NUP210L: variants seen among roughly 807,000 people sequenced by gnomAD.
NUP210L encodes nuclear pore membrane glycoprotein 210-like.
Under a neutral mutation model 208.5 loss-of-function variants are expected in NUP210L, and 74 were observed. The observed-to-expected ratio is 0.35, with a 90% CI of 0.29 to 0.43. NUP210L has a LOEUF of 0.43. NUP210L is among the 20% of genes least tolerant of loss of function. The probability of loss-of-function intolerance (pLI) is 1.00; values close to 1 mark genes in which losing one functional copy is unlikely to be tolerated. For synonymous variants in NUP210L, 780 were observed against 816.9 expected (o/e 0.95, Z 0.77); for missense variants, 1,843 against 2,289.4 (o/e 0.81, Z 3.98).
intron 3 of NUP210L, among the ~76,000 whole-genome samples, chr1:154,142,903 A>C (rs1658925631): frequency 7.1e-6 from 1 of 141,410 alleles, no homozygotes; most frequent in South Asian, 2.3e-4. Context: ...AAAAAAAAGA[A>C]AGTGGCCAGG....
intron 37 of NUP210L, among the ~76,000 whole-genome samples, chr1:153,997,467 G>GTT (rs1328725231): frequency 0.039 from 4,885 of 126,324 alleles, 165 homozygotes; most frequent in African/African-American, 0.075. Flanking sequence ...TTTCTTTTCT[G>GTT]TTTTTTTTTT....
In NUP210L at chr1:154,081,688, A is replaced by G. The variant is rs371345260; in HGVS notation, c.2361+7733T>C. Among the ~76,000 whole-genome samples, 293 of 152,356 alleles carry G rather than the reference A, an allele frequency of 1.9e-3. 1 individual carries two copies. The highest frequency in any genetic ancestry group is 3.5e-3 in the Non-Finnish European group (235 of 68,026). On this transcript the variant is annotated intron_variant, in intron 16 of 39. Transcript: ENST00000368559. ...ATCATGTTTACATAATAATATCCCA[A>G]TAAAACGCTGGAGCTGGGCATGGTG...
At chr1:154,146,002 T>A (rs979192035) in intron 2 of NUP210L, among the ~76,000 whole-genome samples, 6 of 152,070 alleles carry the variant, frequency 3.9e-5, no homozygotes, top group Non-Finnish European at 8.8e-5. Flanking sequence ...GCGATCCTCC[T>A]ACCTCAGCCT....
chr1:154,053,079 T>A (rs1190792413), intron 25 of NUP210L, among the ~76,000 whole-genome samples: 3 of 152,206 alleles, frequency 2.0e-5, no homozygotes, highest in Non-Finnish European at 4.4e-5. Flanking sequence ...GATCCAAATT[T>A]GGGAAAGAAT....
chr1:154,037,002 A>G (rs1249721168), intron 27 of NUP210L, among the ~76,000 whole-genome samples: 1 of 152,016 alleles, frequency 6.6e-6, no homozygotes, highest in African/African-American at 2.4e-5. Context: ...AGCTCAAACA[A>G]TCTGCCCACC....
chr1:153,993,902 A>T (rs569331313), intron 38 of NUP210L, among the ~76,000 whole-genome samples: 34 of 151,588 alleles, frequency 2.2e-4, no homozygotes, highest in Admixed American at 7.9e-4. Flanking sequence ...TCTCAAAAAA[A>T]TTTTTTTTTA....
chr1:154,034,843 CTTTT>C (rs35524701), intron 27 of NUP210L, among the ~76,000 whole-genome samples: 8 of 136,192 alleles, frequency 5.9e-5, no homozygotes, highest in Admixed American at 7.5e-5. Flanking sequence ...CTCTCTCTCT[CTTTT>C]TTTTTTTTTT....
At chr1:154,057,953 G>T in intron 22 of NUP210L, 136 bp downstream of exon 22, 1 of 957,156 alleles carries the variant, frequency 1.0e-6, no homozygotes. Flanking sequence ...AGAGCGTATG[G>T]GCTGAAATGT....
At chr1:154,108,332 AT>A in intron 12 of NUP210L, among the ~76,000 whole-genome samples, 1 of 152,122 alleles carries the variant, frequency 6.6e-6, no homozygotes. Context: ...TAATTTTTGT[AT>A]TTTTAGTAGA....
At chr1:154,127,509 C>T (rs529851698) in intron 8 of NUP210L, 92 bp from the exon 9 acceptor site, 8 of 477,108 alleles carry the variant, frequency 1.7e-5, no homozygotes, top group African/African-American at 4.1e-5. Flanking sequence ...GCTGTTCAAA[C>T]AGCAAAATTT....
chr1:154,097,765 A>G (rs1269988916), intron 14 of NUP210L, among the ~76,000 whole-genome samples: 1 of 152,202 alleles, frequency 6.6e-6, no homozygotes, highest in African/African-American at 2.4e-5. Context: ...ATCTATCAGC[A>G]AGAACTTGTA....
At chr1:154,091,201 TTC>T (rs1655894179) in intron 15 of NUP210L, among the ~76,000 whole-genome samples, 1 of 151,296 alleles carries the variant, frequency 6.6e-6, no homozygotes, top group South Asian at 2.1e-4. Flanking sequence ...GTTCCAGAGA[TTC>T]TTGTGACTCA....
At chr1:154,030,443 G>T (rs1054012534) in intron 27 of NUP210L, among the ~76,000 whole-genome samples, 2 of 151,400 alleles carry the variant, frequency 1.3e-5, no homozygotes, top group African/African-American at 4.9e-5. Flanking sequence ...GACTACAGGG[G>T]CACACCACCA....
At chr1:154,076,115 T>C (rs1037490282) in intron 16 of NUP210L, among the ~76,000 whole-genome samples, 10 of 149,564 alleles carry the variant, frequency 6.7e-5, no homozygotes, top group Non-Finnish European at 1.3e-4. Context: ...TTTTTTTTTT[T>C]TTTTTTTGAA....
chr1:154,066,703 A>G (rs537360569), intron 17 of NUP210L, among the ~76,000 whole-genome samples: 1 of 152,348 alleles, frequency 6.6e-6, no homozygotes, highest in South Asian at 2.1e-4. Context: ...AGAAAAACTA[A>G]TAAAGAAGAA....
intron 31 of NUP210L, 47 bp downstream of exon 31, chr1:154,023,075 G>A (rs1299587600): frequency 4.6e-6 from 7 of 1,509,068 alleles, no homozygotes; most frequent in South Asian, 1.2e-5. Context: ...AGCCTAATAT[G>A]CAAGATTTCT....
At chr1:154,120,095 G>A (rs1657536422) in intron 10 of NUP210L, among the ~76,000 whole-genome samples, 2 of 152,160 alleles carry the variant, frequency 1.3e-5, no homozygotes, top group South Asian at 2.1e-4. Flanking sequence ...TCTAACTGGT[G>A]TGAGATGATA....
chr1:154,086,808 C>T (rs1396905765), intron 16 of NUP210L, among the ~76,000 whole-genome samples: 2 of 151,396 alleles, frequency 1.3e-5, no homozygotes, highest in African/African-American at 4.9e-5. Flanking sequence ...AAGTGAGACC[C>T]TGTGTCTTAA....
At chr1:153,995,566 C>T (rs923329090) in intron 37 of NUP210L, 1 of 718,010 alleles carries the variant, frequency 1.4e-6, no homozygotes, top group Admixed American at 1.9e-5. Flanking sequence ...TTTAAATCCT[C>T]TGCTACTTTA....
Sources: gnomAD v4.1 joint callset for allele counts (sites outside exome capture counted in the v4.1 genomes callset) on GRCh38, gnomAD v4.1.1 for gene constraint, MANE v1.5 for transcripts, NCBI Gene and HGNC (gene_info 2026-07-23, HGNC 2026-07-21) for gene names.